COPA: variants seen among roughly 807,000 people sequenced by gnomAD.
COPA encodes the protein coat protein complex I subunit alpha.
A neutral mutation model predicts 158.7 loss-of-function variants in COPA; 10 were observed. That is an observed-to-expected ratio of 0.06 (90% confidence interval 0.04 to 0.11). COPA has a LOEUF of 0.11. Ranked by LOEUF, COPA falls within the 10% of genes least tolerant of loss-of-function variation. The pLI is 1.00. For synonymous variants in COPA, 462 were observed against 542.8 expected (o/e 0.85, Z 2.07); for missense variants, 1,065 against 1,536.7 (o/e 0.69, Z 5.13).
intron 6 of COPA, among the ~76,000 whole-genome samples, chr1:160,330,539 T>A (rs1415807907): frequency 1.3e-5 from 2 of 151,742 alleles, no homozygotes; most frequent in Non-Finnish European, 2.9e-5. Flanking sequence ...TACTCTACAA[T>A]TGTCCCCATC....
At chr1:160,300,676 A>G (rs1442862342) in intron 17 of COPA, among the ~76,000 whole-genome samples, 1 of 152,236 alleles carries the variant, frequency 6.6e-6, no homozygotes, top group African/African-American at 2.4e-5. Context: ...AAGGACAGTA[A>G]GAAAAGGGAA....
intron 11 of COPA, among the ~76,000 whole-genome samples, chr1:160,310,830 T>C (rs1007624275): frequency 2.0e-5 from 3 of 152,136 alleles, no homozygotes; most frequent in Non-Finnish European, 4.4e-5. Flanking sequence ...GGGACATATA[T>C]TCTGGTTCAG....
intron 13 of COPA, among the ~76,000 whole-genome samples, chr1:160,308,692 CA>C (rs1658870021): frequency 2.0e-5 from 3 of 152,078 alleles, no homozygotes; most frequent in African/African-American, 7.2e-5. Context: ...TTTTGACATG[CA>C]AAAGGAAGCA....
At chr1:160,300,647 C>T (rs2101831152) in intron 17 of COPA, among the ~76,000 whole-genome samples, 1 of 152,142 alleles carries the variant, frequency 6.6e-6, no homozygotes, top group Admixed American at 6.5e-5. Flanking sequence ...TTCACACAAC[C>T]TTGATACTAA....
At chr1:160,336,887 G>A (rs1239282924) in intron 3 of COPA, among the ~76,000 whole-genome samples, 2 of 149,934 alleles carry the variant, frequency 1.3e-5, no homozygotes, top group Non-Finnish European at 3.0e-5. Flanking sequence ...TAAAGGCAGG[G>A]TTCTTGTCCA....
chr1:160,312,941 G>T, intron 10 of COPA, 144 bp downstream of exon 10: 2 of 691,284 alleles, frequency 2.9e-6, no homozygotes, highest in South Asian at 2.2e-5. Context: ...AAAAAAAGGA[G>T]AAAAGCTTCA....
At chr1:160,291,603 G>C in intron 30 of COPA, 107 bp from the exon 31 acceptor site, 1 of 1,374,532 alleles carries the variant, frequency 7.3e-7, no homozygotes, top group Non-Finnish European at 1.0e-6. Flanking sequence ...ATAGGATGAT[G>C]GGCTATAAAG....
intron 8 of COPA, among the ~76,000 whole-genome samples, chr1:160,320,002 C>T (rs1659282474): frequency 6.7e-6 from 1 of 148,754 alleles, no homozygotes; most frequent in Non-Finnish European, 1.5e-5. Flanking sequence ...CAAGCCAAAC[C>T]CTAAATTAGT....
rs917872826 is a variant in COPA, at chr1:160,325,566, C to A, written c.583G>T (p.Ala195Ser). Reference protein sequence around the residue: ...TGVDLFGTTDAVVKHVLEGHD... With the variant: ...TGVDLFGTTDSVVKHVLEGHD... ...ACCTCTAGTACATGCTTCACCACTGCATCTGTAGTTCCAAATAGATCAACC... is the reference window on the plus strand; with the variant it reads ...ACCTCTAGTACATGCTTCACCACTGAATCTGTAGTTCCAAATAGATCAACC... The change falls in exon 7 of 33, where the codon GCA (alanine) becomes TCA (serine). Residue 195 changes from alanine to serine, a missense_variant. Physicochemically the swap from Ala to Ser is moderately conservative, Grantham distance 99 (BLOSUM62 1). Transcript: ENST00000241704. 2 of 1,614,064 alleles carry A rather than the reference C, an allele frequency of 1.2e-6. No individual in the cohort carries two copies. Among genetic ancestry groups the A allele is most frequent in the African/African-American group, 2.7e-5 (2 of 74,944 alleles).
In COPA at chr1:160,299,863, A is replaced by G. The variant is rs187506642; in HGVS notation, c.1668-599T>C. On this transcript the variant is annotated intron_variant, in intron 17 of 32. Transcript: ENST00000241704. ...AGCCAAAGAAAGTACTTAGAAGAAA[A>G]TAATGAAGCCAATAGTAGAAATTAA... Among the ~76,000 whole-genome samples, 9 of 152,318 alleles carry G rather than the reference A, an allele frequency of 5.9e-5. No homozygotes were observed. The East Asian group carries it at 1.7e-3, about 29-fold the overall frequency.
At chr1:160,298,193 A>G (rs996484121) in intron 19 of COPA, among the ~76,000 whole-genome samples, 2 of 152,054 alleles carry the variant, frequency 1.3e-5, no homozygotes, top group Admixed American at 1.3e-4. Context: ...AAAAAAAGAA[A>G]AAAAAAAAAA....
At chr1:160,337,281 T>A (rs1287161810) in intron 3 of COPA, among the ~76,000 whole-genome samples, 1 of 152,234 alleles carries the variant, frequency 6.6e-6, no homozygotes, top group Non-Finnish European at 1.5e-5. Flanking sequence ...CTTGTCTTAC[T>A]CTTTGTCAAC....
chr1:160,339,666 G>A, intron 3 of COPA: 2 of 441,384 alleles, frequency 4.5e-6, no homozygotes. Flanking sequence ...TTCTGTATTA[G>A]AATAAAAGCT....
chr1:160,319,882 A>G (rs1571171043), intron 8 of COPA, among the ~76,000 whole-genome samples: 1 of 150,720 alleles, frequency 6.6e-6, no homozygotes, highest in Non-Finnish European at 1.5e-5. Context: ...AAGCAGTACT[A>G]AGAATGAAGT....
intron 5 of COPA, among the ~76,000 whole-genome samples, chr1:160,333,206 G>A (rs1450115740): frequency 6.6e-6 from 1 of 152,212 alleles, no homozygotes; most frequent in Non-Finnish European, 1.5e-5. Context: ...TTACAGGCAT[G>A]AGCCATGGCG....
At chr1:160,312,971 C>CCTT (rs1169427546) in intron 10 of COPA, 114 bp downstream of exon 10, 5 of 903,926 alleles carry the variant, frequency 5.5e-6, no homozygotes, top group Non-Finnish European at 8.4e-6. Context: ...CTCTGAGAGT[C>CCTT]CTTCTTCTTC....
intron 9 of COPA, 129 bp from the exon 10 acceptor site, chr1:160,313,296 C>T (rs1269064755): frequency 2.7e-6 from 2 of 741,044 alleles, no homozygotes; most frequent in Admixed American, 4.9e-5. Context: ...ACTGCATATC[C>T]TAAGTAACAG....
chr1:160,297,501 A>ACCTTCCT, intron 20 of COPA, 55 bp downstream of exon 20: 2 of 1,611,984 alleles, frequency 1.2e-6, no homozygotes, highest in Non-Finnish European at 8.5e-7. Context: ...TCCTTAATTC[A>ACCTTCCT]CCTTCCTCCT....
At chr1:160,292,313 G>C in intron 28 of COPA, 115 bp from the exon 29 acceptor site, 2 of 1,548,332 alleles carry the variant, frequency 1.3e-6, no homozygotes, top group Non-Finnish European at 1.8e-6. Context: ...AAAGTAGCTG[G>C]GGAAGAGGAT....
Sources: allele counts gnomAD v4.1 joint callset (sites outside exome capture counted in the v4.1 genomes callset), GRCh38; gene constraint gnomAD v4.1.1; transcripts MANE v1.5; gene names NCBI Gene and HGNC (gene_info 2026-07-23, HGNC 2026-07-21).